The following JAZF1 variants were observed in gnomAD, a reference collection of about 807,000 sequenced individuals.
The protein encoded by JAZF1 is juxtaposed with another zinc finger protein 1.
In JAZF1, 8 loss-of-function variants were observed where a neutral mutation model predicts 26.4. The observed-to-expected ratio is 0.30, with a 90% confidence interval of 0.18 to 0.55. JAZF1 has a LOEUF of 0.55. Among genes scored for constraint, JAZF1 ranks in the 20% least tolerant of loss-of-function variants. JAZF1 has a pLI of 0.94. For synonymous variants in JAZF1, 126 were observed against 122.3 expected, an observed-to-expected ratio of 1.03 and a Z score of -0.20; for missense variants, 199 against 322.0, an observed-to-expected ratio of 0.62 and a Z score of 2.92.
chr7:28,113,297 A>G (rs553544940), intron 1 of JAZF1, among the ~76,000 whole-genome samples: 2 of 152,274 alleles, frequency 1.3e-5, no homozygotes, highest in East Asian at 3.9e-4. Context: ...GTGAATCCTC[A>G]TGGGACTAAC....
chr7:28,139,414 G>A (rs114600726), intron 1 of JAZF1, among the ~76,000 whole-genome samples: 3,026 of 152,312 alleles, frequency 0.02, 117 homozygotes, highest in African/African-American at 0.069. Flanking sequence ...TAGTTAAGAT[G>A]AGTCATTAGG....
chr7:28,148,097 G>A (rs1783055255), intron 1 of JAZF1, among the ~76,000 whole-genome samples: 1 of 150,528 alleles, frequency 6.6e-6, no homozygotes, highest in Non-Finnish European at 1.5e-5. Context: ...TTCAGACAGA[G>A]TCTCACCCTG....
At chr7:28,016,515 T>G (rs1239157906) in intron 1 of JAZF1, among the ~76,000 whole-genome samples, 1 of 152,178 alleles carries the variant, frequency 6.6e-6, no homozygotes, top group African/African-American at 2.4e-5. Context: ...ACCTTTGCCT[T>G]GGGTCTCACC....
At chr7:27,892,767 C>A (rs922249995) in intron 3 of JAZF1, among the ~76,000 whole-genome samples, 2 of 152,122 alleles carry the variant, frequency 1.3e-5, no homozygotes, top group South Asian at 4.2e-4. Flanking sequence ...TGGACAAATG[C>A]CTAACACAAA....
At chr7:28,107,232 G>C (rs921573871) in intron 1 of JAZF1, among the ~76,000 whole-genome samples, 4 of 152,146 alleles carry the variant, frequency 2.6e-5, no homozygotes, top group Non-Finnish European at 4.4e-5. Context: ...GTATCTTGAA[G>C]GTATTTCTCA....
chr7:27,867,084 TATG>T (rs1263052007), intron 3 of JAZF1, among the ~76,000 whole-genome samples: 1 of 152,184 alleles, frequency 6.6e-6, no homozygotes, highest in Non-Finnish European at 1.5e-5. Flanking sequence ...CTTGTTTTGG[TATG>T]ATGATTTCCT....
chr7:28,135,856 T>C (rs1782875281), intron 1 of JAZF1, among the ~76,000 whole-genome samples: 1 of 152,216 alleles, frequency 6.6e-6, no homozygotes, highest in Non-Finnish European at 1.5e-5. Flanking sequence ...TCTATGTAAC[T>C]AGGTGGATGG....
intron 3 of JAZF1, among the ~76,000 whole-genome samples, chr7:27,847,357 T>C (rs565737879): frequency 1.3e-5 from 2 of 152,220 alleles, no homozygotes; most frequent in Non-Finnish European, 2.9e-5. Flanking sequence ...AAAAAATTCA[T>C]TGACAAGGCT....
At chr7:28,150,150 G>A (rs1048065468) in intron 1 of JAZF1, among the ~76,000 whole-genome samples, 14 of 152,162 alleles carry the variant, frequency 9.2e-5, no homozygotes, top group Admixed American at 2.0e-4. Context: ...CATCTTGCCC[G>A]GTGGGGAGGC....
chr7:28,131,652 A>G (rs998437052), intron 1 of JAZF1, among the ~76,000 whole-genome samples: 6 of 152,210 alleles, frequency 3.9e-5, no homozygotes, highest in African/African-American at 1.4e-4. Context: ...TGACCAAAAT[A>G]AGCACTTCTC....
intron 3 of JAZF1, among the ~76,000 whole-genome samples, chr7:27,867,447 G>T (rs12154292): frequency 0.98 from 149,484 of 152,352 alleles, 73,503 homozygotes; most frequent in Middle Eastern, 1. Context: ...TCGTCCCATG[G>T]GGAAACTACA....
intron 1 of JAZF1, among the ~76,000 whole-genome samples, chr7:28,058,877 C>T (rs1225905346): frequency 2.0e-5 from 3 of 152,150 alleles, no homozygotes; most frequent in Non-Finnish European, 2.9e-5. Context: ...AAATGCTCTG[C>T]CACTTCAAAT....
intron 4 of JAZF1, among the ~76,000 whole-genome samples, chr7:27,833,333 C>T (rs1473711582): frequency 6.6e-6 from 1 of 152,204 alleles, no homozygotes; most frequent in East Asian, 1.9e-4. Flanking sequence ...AACAATCCTA[C>T]ACAAATATCC....
In JAZF1 at chr7:28,180,627, G is replaced by GGCGA. The variant is rs755098679; in HGVS notation, c.-54_-51dup. 89 of 1,480,060 alleles carry GGCGA rather than the reference G, an allele frequency of 6.0e-5. No individual in the cohort carries two copies. Among genetic ancestry groups the GGCGA allele is most frequent in the Admixed American group, 8.7e-5 (5 of 57,340 alleles). The allele number at this position is 1,480,060 out of a possible 1,614,324, so 91.7% of individuals were successfully genotyped here. A position where few individuals can be genotyped will look rare whatever the true frequency, so the allele number is the denominator to read the frequency against. ...GTGTCGGCTCTGCGAGCGCCGGGCG[G>GGCGA]GCGAGGGAGGGAGGGAGGCCGGGTG... On this transcript the variant is annotated 5_prime_UTR_variant, in exon 1 of 5. Transcript: ENST00000283928.
At chr7:27,913,541 A>C (rs756114169) in intron 2 of JAZF1, 28 of 273,614 alleles carry the variant, frequency 1.0e-4, no homozygotes, top group Non-Finnish European at 2.1e-4. Flanking sequence ...TGGTCAGCAC[A>C]GCTGCAGGAG....
intron 1 of JAZF1, among the ~76,000 whole-genome samples, chr7:28,019,920 A>G (rs1202659592): frequency 6.6e-6 from 1 of 152,112 alleles, no homozygotes; most frequent in Admixed American, 6.5e-5. Flanking sequence ...TAGTTGTAGG[A>G]AAGGTATTAT....
At chr7:28,131,445 C>A (rs999277169) in intron 1 of JAZF1, among the ~76,000 whole-genome samples, 1 of 152,156 alleles carries the variant, frequency 6.6e-6, no homozygotes, top group Non-Finnish European at 1.5e-5. Flanking sequence ...CCAGAGCCTT[C>A]TCTCCTTACA....
chr7:28,131,186 T>C (rs1448129974), intron 1 of JAZF1, among the ~76,000 whole-genome samples: 1 of 152,188 alleles, frequency 6.6e-6, no homozygotes, highest in Non-Finnish European at 1.5e-5. Flanking sequence ...AAATTATCCT[T>C]GACAAAAGAT....
intron 1 of JAZF1, among the ~76,000 whole-genome samples, chr7:28,164,709 AT>A (rs1352387029): frequency 1.3e-5 from 2 of 152,210 alleles, no homozygotes; most frequent in African/African-American, 4.8e-5. Flanking sequence ...CTCAAATAAA[AT>A]ACATGTTACG....
Sources: allele counts gnomAD v4.1 joint callset (sites outside exome capture counted in the v4.1 genomes callset), GRCh38; gene constraint gnomAD v4.1.1; transcripts MANE v1.5; gene names NCBI Gene and HGNC (gene_info 2026-07-23, HGNC 2026-07-21).